The following MED12L variants were observed in gnomAD, a reference collection of about 807,000 sequenced individuals.
The protein encoded by MED12L is mediator complex subunit 12L.
MED12L carries 60 observed loss-of-function variants against 281.3 expected under a neutral mutation model. The ratio of observed to expected loss-of-function variants is 0.21; its 90% CI spans 0.17 to 0.26. The LOEUF is 0.26. Ranked by LOEUF, MED12L falls within the 10% of genes least tolerant of loss-of-function variation. The probability of loss-of-function intolerance (pLI) is 1.00; values close to 1 mark genes in which losing one functional copy is unlikely to be tolerated. For missense variants in MED12L, 2,146 were observed against 2,680.9 expected (o/e 0.80, Z 4.41); for synonymous variants, 974 against 987.2 (o/e 0.99, Z 0.25).
chr3:151,244,822 T>C (rs929838940), intron 16 of MED12L, among the ~76,000 whole-genome samples: 5 of 152,026 alleles, frequency 3.3e-5, no homozygotes, highest in African/African-American at 1.2e-4. Flanking sequence ...AATTAATGAA[T>C]CCAGGAGCTG....
intron 16 of MED12L, among the ~76,000 whole-genome samples, chr3:151,215,884 C>G (rs1728121474): frequency 6.6e-6 from 1 of 152,204 alleles, no homozygotes; most frequent in African/African-American, 2.4e-5. Flanking sequence ...TGATTTCTCT[C>G]AGCCTGGACC....
intron 16 of MED12L, among the ~76,000 whole-genome samples, chr3:151,242,329 A>T (rs1734332276): frequency 6.6e-6 from 1 of 152,234 alleles, no homozygotes. Flanking sequence ...CAGGGCACAG[A>T]CAAACAAAAA....
intron 38 of MED12L, among the ~76,000 whole-genome samples, chr3:151,393,347 T>C (rs976228617): frequency 6.6e-6 from 1 of 152,220 alleles, no homozygotes; most frequent in African/African-American, 2.4e-5. Flanking sequence ...ATCTACATTT[T>C]ACATATGAAA....
At chr3:151,252,492 T>G (rs945161978) in intron 16 of MED12L, among the ~76,000 whole-genome samples, 5 of 152,158 alleles carry the variant, frequency 3.3e-5, no homozygotes, top group Non-Finnish European at 4.4e-5. Context: ...TGTCTTAATT[T>G]TGCATCTTTG....
chr3:151,154,251 A>C lies in MED12L; in HGVS notation c.557-1910A>C, dbSNP rs534844867. Among the ~76,000 whole-genome samples the C allele has an allele frequency of 3.3e-5, 5 of 152,286 alleles. No individual in the cohort carries two copies. The South Asian group carries it at 8.3e-4, about 25-fold the overall frequency. ...ACATAACTTTAAGTCAGTTAAATACACTTAAAGCACAGGGTTAAGAGGGCT... is the reference window on the plus strand; with the variant it reads ...ACATAACTTTAAGTCAGTTAAATACCCTTAAAGCACAGGGTTAAGAGGGCT... On this transcript the variant is annotated intron_variant, in intron 5 of 44. Coordinates refer to ENST00000687756, the MANE Select transcript of MED12L (RefSeq NM_001393769.1).
chr3:151,241,746 A>C (rs1251797503), intron 16 of MED12L: 1 of 151,922 alleles, frequency 6.6e-6, no homozygotes, highest in Non-Finnish European at 1.5e-5. Flanking sequence ...TACTGGCAAG[A>C]AAGTTGGGAG....
chr3:151,208,551 G>A (rs6440721), intron 16 of MED12L, among the ~76,000 whole-genome samples: 34,288 of 151,958 alleles, frequency 0.23, 4,265 homozygotes, highest in African/African-American at 0.35. Context: ...GCGTGATGGC[G>A]GGTACCTGTA....
At chr3:151,322,472 T>G (rs1577328533) in intron 16 of MED12L, among the ~76,000 whole-genome samples, 1 of 152,030 alleles carries the variant, frequency 6.6e-6, no homozygotes, top group South Asian at 2.1e-4. Flanking sequence ...GCTGGGATTA[T>G]AGGTGTGAGC....
intron 16 of MED12L, among the ~76,000 whole-genome samples, chr3:151,200,338 G>T (rs574654754): frequency 1.3e-4 from 20 of 152,272 alleles, no homozygotes; most frequent in Non-Finnish European, 1.9e-4. Flanking sequence ...AATCTTTCTG[G>T]TGCTGCCTGT....
In MED12L at chr3:151,085,693, C is replaced by A. The variant is rs887177978; in HGVS notation, c.-373C>A. ...TCAGTGCGGACGCCGCGCCGCCGTC[C>A]GCCAACTCGGAAGCTCGCGCTCCCG... On this transcript the variant is annotated 5_prime_UTR_variant, in exon 1 of 45. Coordinates refer to ENST00000687756, the MANE Select transcript of MED12L (RefSeq NM_001393769.1). The A allele has an allele frequency of 2.0e-5, 3 of 152,160 alleles. No individual in the cohort carries two copies. The highest frequency in any genetic ancestry group is 4.8e-5 in the African/African-American group (2 of 41,548). 9.4% of individuals were successfully genotyped at this position (152,160 alleles called of 1,614,324 possible). A position where few individuals can be genotyped will look rare whatever the true frequency, so the allele number is the denominator to read the frequency against.
At chr3:151,350,517 TAA>T (rs1753093114) in intron 17 of MED12L, among the ~76,000 whole-genome samples, 2 of 152,164 alleles carry the variant, frequency 1.3e-5, no homozygotes, top group African/African-American at 4.8e-5. Flanking sequence ...ATAGTAGTAA[TAA>T]ATGAAGTACT....
intron 5 of MED12L, among the ~76,000 whole-genome samples, chr3:151,142,264 CA>C (rs1239444615): frequency 1.3e-5 from 2 of 152,162 alleles, no homozygotes; most frequent in Non-Finnish European, 1.5e-5. Context: ...CTGCTCACAT[CA>C]AATGAAGATC....
At chr3:151,202,837 A>C (rs1196239958) in intron 16 of MED12L, among the ~76,000 whole-genome samples, 1 of 152,182 alleles carries the variant, frequency 6.6e-6, no homozygotes, top group East Asian at 1.9e-4. Flanking sequence ...ACCCAGTTAT[A>C]AGATTGAGTT....
intron 16 of MED12L, among the ~76,000 whole-genome samples, chr3:151,319,464 TGTGC>T (rs1553777816): frequency 1.4e-3 from 135 of 96,028 alleles, no homozygotes; most frequent in Middle Eastern, 5.1e-3. Context: ...TGTGTGTGTG[TGTGC>T]GTGTGTGTGT....
In MED12L at chr3:151,423,270, C is replaced by T. The variant is rs914248861; in HGVS notation, c.6408+6848C>T. On this transcript the variant is annotated intron_variant, in intron 43 of 44. Coordinates refer to ENST00000687756, the MANE Select transcript of MED12L (RefSeq NM_001393769.1). Reference sequence around the variant, plus strand: ...TGACTATTTTGTTCATCTCTTTGCTCGTTGACGTCATCAGCTGGGATGTGT... The same window carrying T: ...TGACTATTTTGTTCATCTCTTTGCTTGTTGACGTCATCAGCTGGGATGTGT... Among the ~76,000 whole-genome samples, 5 of 151,716 alleles carry T rather than the reference C, an allele frequency of 3.3e-5. No homozygotes were observed. In the South Asian group the frequency reaches 6.2e-4, roughly 19 times the overall value.
intron 5 of MED12L, among the ~76,000 whole-genome samples, chr3:151,150,896 C>G (rs1026875978): frequency 7.2e-5 from 11 of 152,204 alleles, no homozygotes; most frequent in Non-Finnish European, 1.0e-4. Context: ...GAGTTGAGGC[C>G]TTGCCCTGGA....
intron 31 of MED12L, among the ~76,000 whole-genome samples, chr3:151,379,637 T>C (rs1711879880): frequency 6.6e-6 from 1 of 152,178 alleles, no homozygotes; most frequent in Admixed American, 6.5e-5. Context: ...TTTTTGGTCT[T>C]GGGAAATGTG....
chr3:151,100,003 A>G (rs1721200399), intron 2 of MED12L, among the ~76,000 whole-genome samples: 1 of 152,178 alleles, frequency 6.6e-6, no homozygotes, highest in Non-Finnish European at 1.5e-5. Flanking sequence ...AAGTGACCCA[A>G]AGAGACAGTT....
chr3:151,228,993 A>G (rs866078530), intron 16 of MED12L, among the ~76,000 whole-genome samples: 1 of 152,204 alleles, frequency 6.6e-6, no homozygotes, highest in Non-Finnish European at 1.5e-5. Context: ...CTGTTAGACC[A>G]TTAGTGGTTA....
Sources: gnomAD v4.1 joint callset for allele counts (sites outside exome capture counted in the v4.1 genomes callset) on GRCh38, gnomAD v4.1.1 for gene constraint, MANE v1.5 for transcripts, NCBI Gene and HGNC (gene_info 2026-07-23, HGNC 2026-07-21) for gene names.